Variants in ACTR3B observed in about 807,000 individuals in gnomAD.
ACTR3B encodes actin-related protein 3B.
In ACTR3B, 8 loss-of-function variants were observed where a neutral mutation model predicts 59.0. The observed-to-expected ratio is 0.14, with a 90% CI of 0.08 to 0.24. ACTR3B has a LOEUF of 0.24. Ranked by LOEUF, ACTR3B falls within the 10% of genes least tolerant of loss-of-function variation. ACTR3B has a pLI of 1.00. For missense variants in ACTR3B, 245 were observed against 552.3 expected, an observed-to-expected ratio of 0.44 and a Z score of 5.58; for synonymous variants, 148 against 197.9, an observed-to-expected ratio of 0.75 and a Z score of 2.12.
At chr7:152,837,007 C>T (rs10251384) in intron 9 of ACTR3B, among the ~76,000 whole-genome samples, 7,729 of 147,194 alleles carry the variant, frequency 0.053, no homozygotes, top group South Asian at 0.13. Context: ...CCCATCTCTA[C>T]AAAAGAAAAA....
At chr7:152,827,393 G>A (rs1796660590) in intron 9 of ACTR3B, among the ~76,000 whole-genome samples, 1 of 152,100 alleles carries the variant, frequency 6.6e-6, no homozygotes, top group East Asian at 1.9e-4. Flanking sequence ...GGCTGGCCAT[G>A]CTTTCTCGTT....
At chr7:152,850,065 T>C (rs1160316625) in intron 9 of ACTR3B, among the ~76,000 whole-genome samples, 3 of 135,762 alleles carry the variant, frequency 2.2e-5, no homozygotes, top group African/African-American at 2.8e-5. Flanking sequence ...AGGTAGAAGG[T>C]CAGATCACTG....
rs753221447 is a variant in ACTR3B, at chr7:152,852,248, C to T, written c.1074C>T (p.Ile358=). 2 of 1,609,726 alleles carry T rather than the reference C, an allele frequency of 1.2e-6. No homozygotes were observed. The highest frequency in any genetic ancestry group is 1.3e-5 in the African/African-American group (1 of 74,748). Residue 358 remains isoleucine, a synonymous_variant, in exon 10 of 12, where the codon ATC becomes ATT. Transcript: ENST00000256001. ...GCGAGGAGCTCAGCGGCGGGAGGATCAAGGTAGGAGCCAGAGGCCTCCACG... is the reference window on the plus strand; with the variant it reads ...GCGAGGAGCTCAGCGGCGGGAGGATTAAGGTAGGAGCCAGAGGCCTCCACG... ...RLSEELSGGR[I]KPKPVEVQVV...
At chr7:152,770,351 C>T (rs1360949955) in intron 1 of ACTR3B, among the ~76,000 whole-genome samples, 4 of 152,208 alleles carry the variant, frequency 2.6e-5, no homozygotes, top group Admixed American at 6.5e-5. Flanking sequence ...GTACTACTCA[C>T]AGTCGTTACA....
chr7:152,786,531 G>C, intron 2 of ACTR3B: 2 of 152,182 alleles, frequency 1.3e-5, no homozygotes, highest in Non-Finnish European at 2.9e-5. Context: ...CCAGCCTGGG[G>C]GACAGAGTGA....
chr7:152,774,876 C>T (rs1326374658), intron 1 of ACTR3B, among the ~76,000 whole-genome samples: 1 of 152,126 alleles, frequency 6.6e-6, no homozygotes, highest in East Asian at 1.9e-4. Context: ...TGCTTTAAAA[C>T]TATTGTTAGG....
rs368536368 is a variant in ACTR3B, at chr7:152,800,685, A to G, written c.225+30A>G. ...ATTTCCGACAGGTGTTTGCTTCTCTAAGTGTAGAGTAGTAGGATGAGTAAT... is the reference window on the plus strand; with the variant it reads ...ATTTCCGACAGGTGTTTGCTTCTCTGAGTGTAGAGTAGTAGGATGAGTAAT... On this transcript the variant is annotated intron_variant, in intron 3 of 11. Transcript: ENST00000256001. 4 of 1,611,004 alleles carry G rather than the reference A, an allele frequency of 2.5e-6. No homozygotes were observed. In the African/African-American group the frequency reaches 4.0e-5, roughly 16 times the overall value.
At chr7:152,790,569 G>C (rs1440860548) in intron 2 of ACTR3B, among the ~76,000 whole-genome samples, 2 of 152,060 alleles carry the variant, frequency 1.3e-5, no homozygotes, top group Non-Finnish European at 2.9e-5. Context: ...ATATTTACTT[G>C]AGAACTTTGC....
chr7:152,853,430 G>A (rs1251259581), intron 10 of ACTR3B, 64 bp from the exon 11 acceptor site: 33 of 1,493,638 alleles, frequency 2.2e-5, no homozygotes, highest in Non-Finnish European at 2.7e-5. Flanking sequence ...CTCGTCAGCC[G>A]GGGGATGATT....
chr7:152,854,276 A>G lies in ACTR3B; in HGVS notation c.1162-182A>G, dbSNP rs1171331126. Among the ~76,000 whole-genome samples, 1 of 152,210 alleles carries G rather than the reference A, an allele frequency of 6.6e-6. No homozygotes were observed. The highest frequency in any genetic ancestry group is 1.5e-5 in the Non-Finnish European group (1 of 68,036). Reference sequence around the variant, plus strand: ...GAAGATACAGGCTGATGAAATTTCTAAAAAGTGAAATAACTCCCCATTTAG... The same window carrying G: ...GAAGATACAGGCTGATGAAATTTCTGAAAAGTGAAATAACTCCCCATTTAG... On this transcript the variant is annotated intron_variant, in intron 11 of 11. Coordinates refer to ENST00000256001, the MANE Select transcript of ACTR3B (RefSeq NM_020445.6). The surrounding 1 kb of genome is among the most constrained non-coding windows in gnomAD (Gnocchi z 4.9).
intron 2 of ACTR3B, among the ~76,000 whole-genome samples, chr7:152,789,891 G>A (rs1256944558): frequency 6.7e-6 from 1 of 150,208 alleles, no homozygotes; most frequent in African/African-American, 2.5e-5. Context: ...TTAATCTGAG[G>A]GTTTTTTTTA....
chr7:152,794,051 T>TAA (rs1231363360), intron 2 of ACTR3B, among the ~76,000 whole-genome samples: 1 of 152,076 alleles, frequency 6.6e-6, no homozygotes, highest in Non-Finnish European at 1.5e-5. Context: ...TCATAAGAAC[T>TAA]GTTTGGGCCA....
In ACTR3B at chr7:152,819,249, A is replaced by C. The variant is rs538090437; in HGVS notation, c.541-1050A>C. Among the ~76,000 whole-genome samples the C allele has an allele frequency of 5.3e-5, 8 of 152,324 alleles. No individual in the cohort carries two copies. The East Asian group carries it at 1.5e-3, about 29-fold the overall frequency. On this transcript the variant is annotated intron_variant, in intron 6 of 11. Transcript: ENST00000256001. ...AAGAAACCATAGGAGGAATTCAGTAAGTTGTTCTTGCAACTTTACTGGTGA... is the reference window on the plus strand; with the variant it reads ...AAGAAACCATAGGAGGAATTCAGTACGTTGTTCTTGCAACTTTACTGGTGA...
chr7:152,832,550 C>T (rs979576094), intron 9 of ACTR3B, among the ~76,000 whole-genome samples: 1 of 152,072 alleles, frequency 6.6e-6, no homozygotes, highest in Admixed American at 6.6e-5. Context: ...CTCACGATCT[C>T]TTTTTCTTTT....
chr7:152,815,107 T>A (rs1795582079), intron 5 of ACTR3B, among the ~76,000 whole-genome samples: 1 of 151,790 alleles, frequency 6.6e-6, no homozygotes, highest in Admixed American at 6.6e-5. Flanking sequence ...TATTTTTTGG[T>A]TGCATTTGGT....
At chr7:152,843,431 T>A (rs2116970413) in intron 9 of ACTR3B, among the ~76,000 whole-genome samples, 1 of 152,374 alleles carries the variant, frequency 6.6e-6, no homozygotes, top group East Asian at 1.9e-4. Context: ...ACATCATTTG[T>A]TGAAGAAGAC....
At chr7:152,780,547 A>C (rs1187318240) in intron 1 of ACTR3B, among the ~76,000 whole-genome samples, 2 of 151,972 alleles carry the variant, frequency 1.3e-5, no homozygotes, top group African/African-American at 4.8e-5. Context: ...TCGTATCATC[A>C]GTGTTTAGTT....
chr7:152,833,013 A>G (rs1797151754), intron 9 of ACTR3B, among the ~76,000 whole-genome samples: 1 of 152,142 alleles, frequency 6.6e-6, no homozygotes, highest in African/African-American at 2.4e-5. Flanking sequence ...GAGTCGCCTG[A>G]GAAGAGAAAG....
chr7:152,828,529 C>T (rs1475352907), intron 9 of ACTR3B, among the ~76,000 whole-genome samples: 2 of 152,084 alleles, frequency 1.3e-5, no homozygotes, highest in Non-Finnish European at 2.9e-5. Flanking sequence ...TCTGTGTTAG[C>T]AAGTGCACAG....
Sources: allele counts gnomAD v4.1 joint callset (sites outside exome capture counted in the v4.1 genomes callset), GRCh38; gene constraint gnomAD v4.1.1; non-coding constraint Gnocchi (gnomAD v3.1); transcripts MANE v1.5; gene names NCBI Gene and HGNC (gene_info 2026-07-23, HGNC 2026-07-21).